NLGN4X: variants seen among roughly 807,000 people sequenced by gnomAD.
The protein encoded by NLGN4X is neuroligin 4 X-linked.
Under a neutral mutation model 40.3 loss-of-function variants are expected in NLGN4X, and 3 were observed. That is an observed-to-expected ratio of 0.07 (90% CI 0.03 to 0.19). The LOEUF is 0.19. Ranked by LOEUF, NLGN4X falls within the 10% of genes least tolerant of loss-of-function variation. The probability of loss-of-function intolerance (pLI) is 1.00; values close to 1 mark genes in which losing one functional copy is unlikely to be tolerated. For synonymous variants in NLGN4X, 270 were observed against 306.8 expected, an observed-to-expected ratio of 0.88 and a Z score of 1.25; for missense variants, 382 against 708.3, an observed-to-expected ratio of 0.54 and a Z score of 5.23.
intron 1 of NLGN4X, among the ~76,000 whole-genome samples, chrX:6,173,379 G>C (rs1239346190): frequency 9.0e-6 from 1 of 111,608 alleles, no homozygotes; most frequent in Non-Finnish European, 1.9e-5. Context: ...CCGAAGGCTG[G>C]CCATAGGAAC....
chrX:6,093,669 C>A (rs1260737368), intron 2 of NLGN4X, among the ~76,000 whole-genome samples: 2 of 110,601 alleles, frequency 1.8e-5, no homozygotes, highest in Non-Finnish European at 3.8e-5. Context: ...AATGATACAA[C>A]CATAATATCT....
chrX:6,005,898 C>A (rs893283468), intron 3 of NLGN4X, among the ~76,000 whole-genome samples: 1 of 111,414 alleles, frequency 9.0e-6, no homozygotes. Flanking sequence ...AAATCATTTA[C>A]TATCCCCCTA....
At chrX:6,127,384 G>A (rs765844501) in intron 2 of NLGN4X, among the ~76,000 whole-genome samples, 95 of 112,640 alleles carry the variant, frequency 8.4e-4, no homozygotes, top group African/African-American at 3.0e-3. Context: ...GAGGCCGAGG[G>A]TGGATCACAA....
rs1199804447 is a variant in NLGN4X, at chrX:6,151,198, G to T, written c.269C>A (p.Pro90His). The stretch of plus-strand genomic sequence containing the variant: ...AGTCCAGGAGGACGGGGGTTCTGGG[G>T]GCTGAAACCGCCTCTCTCCAGTGGG... ...SPPTGERRFQPPEPPSSWTGI... is the reference protein window; with the variant it reads ...SPPTGERRFQHPEPPSSWTGI... The change falls in exon 2 of 6, where the codon CCC becomes CAC. Residue 90 changes from proline (P) to histidine (H), a missense_variant. Pro to His is a moderately conservative substitution (Grantham distance 77, BLOSUM62 -2). Around this residue, in one of 5 missense-constraint regions of NLGN4X, gnomAD observed 115 missense variants for 149.6 expected, o/e 0.77. Coordinates refer to ENST00000381095, the MANE Select transcript of NLGN4X (RefSeq NM_181332.3). 2 of 1,209,481 alleles carry T rather than the reference G, an allele frequency of 1.7e-6. No individual in the cohort carries two copies. Among genetic ancestry groups the T allele is most frequent in the Non-Finnish European group, 2.2e-6 (2 of 894,983 alleles).
intron 2 of NLGN4X, among the ~76,000 whole-genome samples, chrX:6,125,630 C>A (rs193071303): frequency 9.1e-6 from 1 of 110,417 alleles, no homozygotes; most frequent in Admixed American, 9.6e-5. Context: ...AGCAACTTTA[C>A]GCAAAGAAAT....
chrX:6,183,546 CA>C (rs532961024), intron 1 of NLGN4X, among the ~76,000 whole-genome samples: 53 of 90,052 alleles, frequency 5.9e-4, no homozygotes, highest in East Asian at 1.0e-3. Flanking sequence ...GACTCCGTCT[CA>C]AAAAAAAAAA....
rs778039147 is a variant in NLGN4X at position 5,896,366 on chromosome X, T to C, written c.1602-2700A>G. Among the ~76,000 whole-genome samples, 7 of 112,206 alleles carry C rather than the reference T, an allele frequency of 6.2e-5. No homozygotes were observed. In the South Asian group the frequency reaches 2.6e-3, roughly 42 times the overall value. On this transcript the variant is annotated intron_variant, in intron 5 of 5. Transcript: ENST00000381095. ...CCAGATAAACTTGTGGAGATTATGA[T>C]AGCCCAAGTCATTCTCCCTTACCAA... is the stretch of plus-strand genomic sequence containing the variant.
At chrX:5,943,716 T>C (rs1289498223) in intron 3 of NLGN4X, among the ~76,000 whole-genome samples, 2 of 112,681 alleles carry the variant, frequency 1.8e-5, no homozygotes, top group Non-Finnish European at 3.7e-5. Context: ...TTTCTTCCTA[T>C]GTCACTGTGC....
At chrX:6,024,736 G>A (rs1402331873) in intron 3 of NLGN4X, among the ~76,000 whole-genome samples, 2 of 111,643 alleles carry the variant, frequency 1.8e-5, no homozygotes, top group Non-Finnish European at 3.8e-5. Context: ...CAAATGCCAT[G>A]ACAATGTCAG....
At chrX:6,048,259 G>C (rs2037379472) in intron 2 of NLGN4X, among the ~76,000 whole-genome samples, 1 of 111,632 alleles carries the variant, frequency 9.0e-6, no homozygotes, top group Non-Finnish European at 1.9e-5. Flanking sequence ...TCTCTCCTTT[G>C]AAAAGGTATT....
chrX:6,007,609 T>C (rs1308190616), intron 3 of NLGN4X, among the ~76,000 whole-genome samples: 1 of 112,277 alleles, frequency 8.9e-6, no homozygotes, highest in Non-Finnish European at 1.9e-5. Context: ...GCTAACAAAA[T>C]AGTGGAAGCA....
chrX:6,171,148 T>G (rs781212475), intron 1 of NLGN4X, among the ~76,000 whole-genome samples: 368 of 112,407 alleles, frequency 3.3e-3, no homozygotes, highest in Non-Finnish European at 5.6e-3. Context: ...TTATTGTAAC[T>G]GTGCAATTAA....
intron 2 of NLGN4X, among the ~76,000 whole-genome samples, chrX:6,042,921 CA>C (rs1203900365): frequency 9.7e-6 from 1 of 103,579 alleles, no homozygotes; most frequent in African/African-American, 3.5e-5. Context: ...ACTAAAAATA[CA>C]AAAAATAGCC....
intron 2 of NLGN4X, among the ~76,000 whole-genome samples, chrX:6,043,422 A>G (rs947159035): frequency 4.5e-5 from 5 of 111,527 alleles, no homozygotes; most frequent in African/African-American, 1.6e-4. Flanking sequence ...CATATTATAC[A>G]TACATATATT....
intron 2 of NLGN4X, among the ~76,000 whole-genome samples, chrX:6,114,212 C>A (rs1602254572): frequency 9.0e-6 from 1 of 111,526 alleles, no homozygotes; most frequent in Non-Finnish European, 1.9e-5. Context: ...AGATTTAAAT[C>A]CTCAGAGACT....
intron 3 of NLGN4X, among the ~76,000 whole-genome samples, chrX:5,936,251 A>C (rs1174036739): frequency 8.9e-6 from 1 of 111,807 alleles, no homozygotes. Context: ...TAACAACGGG[A>C]GTGATTACTA....
At chrX:5,925,455 A>C (rs1278992303) in intron 3 of NLGN4X, among the ~76,000 whole-genome samples, 1 of 111,042 alleles carries the variant, frequency 9.0e-6, no homozygotes, top group African/African-American at 3.3e-5. Flanking sequence ...TATCAAGCAT[A>C]AACATCACAG....
At position 6,110,924 on chromosome X, in the gene NLGN4X, GAC is replaced by G. The variant is rs2039133732; in HGVS notation, c.472+40069_472+40070del. 2.7e-5 allele frequency among the ~76,000 whole-genome samples: 3 copies of G among 111,441 alleles called. No individual in the cohort carries two copies. In the Admixed American group the frequency reaches 2.9e-4, roughly 11 times the overall value. On this transcript the variant is annotated intron_variant, in intron 2 of 5. Transcript: ENST00000381095. Reference sequence around the variant, plus strand: ...GGACTCAAGGTTTTGCATTAGAAGTGACAGGTGCGTTACTGAAAGCTGAAGCC... The same window carrying G: ...GGACTCAAGGTTTTGCATTAGAAGTGAGGTGCGTTACTGAAAGCTGAAGCC...
chrX:6,123,986 T>C (rs943754779), intron 2 of NLGN4X, among the ~76,000 whole-genome samples: 1 of 110,857 alleles, frequency 9.0e-6, no homozygotes, highest in Non-Finnish European at 1.9e-5. Flanking sequence ...TAGCAACATA[T>C]TGTTGAAAAG....
Sources: allele counts gnomAD v4.1 joint callset (sites outside exome capture counted in the v4.1 genomes callset), GRCh38; gene constraint gnomAD v4.1.1; regional missense constraint gnomAD v4.1.1; transcripts MANE v1.5; gene names NCBI Gene and HGNC (gene_info 2026-07-23, HGNC 2026-07-21).